MSRA: variants seen among roughly 807,000 people sequenced by gnomAD.
The protein encoded by MSRA is methionine sulfoxide reductase A, also known as mitochondrial peptide methionine sulfoxide reductase.
In MSRA, 54 loss-of-function variants were observed where a neutral mutation model predicts 31.3. The ratio of observed to expected loss-of-function variants is 1.73; its 90% confidence interval spans 1.39 to 2.17. MSRA has a LOEUF of 2.17. MSRA is among the 30% of genes most tolerant of loss of function. The pLI is 0.00. For missense variants in MSRA, 507 were observed against 300.9 expected, an observed-to-expected ratio of 1.69 and a Z score of -5.07; for synonymous variants, 169 against 116.5, an observed-to-expected ratio of 1.45 and a Z score of -2.90.
intron 3 of MSRA, among the ~76,000 whole-genome samples, chr8:10,261,606 C>G (rs562325596): frequency 6.6e-6 from 1 of 152,200 alleles, no homozygotes; most frequent in South Asian, 2.1e-4. Context: ...GCAGGAAGTA[C>G]ACAGAGTTCC....
At chr8:10,290,503 A>G (rs1585380577) in intron 3 of MSRA, among the ~76,000 whole-genome samples, 1 of 152,136 alleles carries the variant, frequency 6.6e-6, no homozygotes, top group African/African-American at 2.4e-5. Flanking sequence ...CAGATGCCCA[A>G]GTTCGTGGTT....
intron 1 of MSRA, among the ~76,000 whole-genome samples, chr8:10,161,213 A>AT (rs1455051365): frequency 6.6e-6 from 1 of 152,192 alleles, no homozygotes; most frequent in African/African-American, 2.4e-5. Context: ...CAAGCCAATA[A>AT]TTCCATTCCT....
intron 5 of MSRA, among the ~76,000 whole-genome samples, chr8:10,352,941 A>G (rs6997710): frequency 0.17 from 25,796 of 151,744 alleles, 3,489 homozygotes; most frequent in East Asian, 0.76. Flanking sequence ...CCCACTTGCA[A>G]TCTCTCCATT....
At chr8:10,319,247 A>C (rs1297652769) in intron 4 of MSRA, among the ~76,000 whole-genome samples, 1 of 152,160 alleles carries the variant, frequency 6.6e-6, no homozygotes, top group Non-Finnish European at 1.5e-5. Context: ...ATGGTGGCCT[A>C]CAGGGGATCT....
At chr8:10,333,144 A>C (rs1227931771) in intron 5 of MSRA, among the ~76,000 whole-genome samples, 1 of 152,204 alleles carries the variant, frequency 6.6e-6, no homozygotes, top group Non-Finnish European at 1.5e-5. Context: ...ATCCTGGCCA[A>C]CATAGGGTGA....
chr8:10,376,793 C>T (rs13273009), intron 5 of MSRA, among the ~76,000 whole-genome samples: 112,804 of 152,086 alleles, frequency 0.74, 42,990 homozygotes, highest in African/African-American at 0.8. Context: ...GACAACTATA[C>T]AAAGTTTGGT....
intron 5 of MSRA, chr8:10,337,844 C>G (rs544810455): frequency 1.4e-6 from 1 of 701,876 alleles, no homozygotes; most frequent in South Asian, 1.5e-5. Flanking sequence ...TGCCTTCTTT[C>G]TGCTAAATCA....
intron 5 of MSRA, among the ~76,000 whole-genome samples, chr8:10,403,219 C>A (rs778190965): frequency 6.6e-6 from 1 of 152,206 alleles, no homozygotes; most frequent in East Asian, 1.9e-4. Flanking sequence ...CTGAGACTAA[C>A]GAAACAGCTT....
intron 2 of MSRA, among the ~76,000 whole-genome samples, chr8:10,221,641 A>T (rs142088716): frequency 6.6e-6 from 1 of 152,068 alleles, no homozygotes; most frequent in Non-Finnish European, 1.5e-5. Flanking sequence ...AGCAGCTTAT[A>T]CTCCAGTAGG....
intron 1 of MSRA, among the ~76,000 whole-genome samples, chr8:10,118,595 C>T (rs911100094): frequency 6.6e-6 from 1 of 152,128 alleles, no homozygotes; most frequent in Non-Finnish European, 1.5e-5. Flanking sequence ...GTGTCCTCAT[C>T]TCCCACCGCT....
chr8:10,061,959 G>T (rs117733162), intron 1 of MSRA, among the ~76,000 whole-genome samples: 24 of 152,298 alleles, frequency 1.6e-4, no homozygotes, highest in African/African-American at 4.6e-4. Flanking sequence ...CTTGGCCTGC[G>T]ATCTTCAGGC....
chr8:10,068,332 A>G (rs890694359), intron 1 of MSRA, among the ~76,000 whole-genome samples: 2 of 152,216 alleles, frequency 1.3e-5, no homozygotes, highest in Non-Finnish European at 2.9e-5. Flanking sequence ...AATGACATCC[A>G]GCTTGTGGAC....
rs1809328443 is a variant in MSRA, at chr8:10,428,333, C to A, written c.*21C>A. On this transcript the variant is annotated 3_prime_UTR_variant, in exon 6 of 6. Transcript: ENST00000317173. ...AATAATTTCTCCCCACATGGTGGGC[C>A]TTTGAGGTTCCAGTAAAAATGCTTT... 2 of 1,608,472 alleles carry A rather than the reference C, an allele frequency of 1.2e-6. No homozygotes were observed. The highest frequency in any genetic ancestry group is 2.2e-5 in the East Asian group (1 of 44,890).
At chr8:10,386,712 G>T (rs1806414613) in intron 5 of MSRA, among the ~76,000 whole-genome samples, 1 of 152,030 alleles carries the variant, frequency 6.6e-6, no homozygotes. Flanking sequence ...ATCACACTTT[G>T]AAAACCACTG....
At chr8:10,187,403 C>A (rs948276848) in intron 1 of MSRA, among the ~76,000 whole-genome samples, 1 of 152,192 alleles carries the variant, frequency 6.6e-6, no homozygotes, top group East Asian at 1.9e-4. Context: ...TACACCGGTA[C>A]CCAAGCTACC....
chr8:10,089,120 A>G (rs1195251984), intron 1 of MSRA, among the ~76,000 whole-genome samples: 1 of 136,178 alleles, frequency 7.3e-6, no homozygotes, highest in East Asian at 2.1e-4. Context: ...AAATAAGTAA[A>G]TTTTAGCTGC....
chr8:10,081,465 A>C (rs1002153991), intron 1 of MSRA, among the ~76,000 whole-genome samples: 1 of 151,946 alleles, frequency 6.6e-6, no homozygotes, highest in African/African-American at 2.4e-5. Flanking sequence ...TCCAGATGCT[A>C]CCTCTTTTTC....
chr8:10,402,754 C>G (rs1807545102), intron 5 of MSRA, among the ~76,000 whole-genome samples: 1 of 152,144 alleles, frequency 6.6e-6, no homozygotes, highest in African/African-American at 2.4e-5. Flanking sequence ...AAGTATAGTG[C>G]AGTGATACTT....
intron 3 of MSRA, among the ~76,000 whole-genome samples, chr8:10,292,327 A>G (rs939851304): frequency 6.6e-6 from 1 of 152,224 alleles, no homozygotes; most frequent in Non-Finnish European, 1.5e-5. Flanking sequence ...CTTTATTAAC[A>G]TCACATCACA....
Sources: allele counts gnomAD v4.1 joint callset (sites outside exome capture counted in the v4.1 genomes callset), GRCh38; gene constraint gnomAD v4.1.1; transcripts MANE v1.5; gene names NCBI Gene and HGNC (gene_info 2026-07-23, HGNC 2026-07-21).